ABCC9: variants seen among roughly 807,000 people sequenced by gnomAD.
ABCC9 encodes the protein ATP binding cassette subfamily C member 9.
A neutral mutation model predicts 188.3 loss-of-function variants in ABCC9; 95 were observed. That is an observed-to-expected ratio of 0.50 (90% confidence interval 0.43 to 0.60). ABCC9 has a LOEUF of 0.60. Ranked by LOEUF, ABCC9 falls within the 20% of genes least tolerant of loss-of-function variation. ABCC9 has a pLI of 0.00. For synonymous variants in ABCC9, 659 were observed against 652.7 expected, an observed-to-expected ratio of 1.01 and a Z score of -0.15; for missense variants, 1,102 against 1,876.3, an observed-to-expected ratio of 0.59 and a Z score of 7.62.
At chr12:21,867,494 T>C (rs781208447) in intron 18 of ABCC9, among the ~76,000 whole-genome samples, 7 of 152,212 alleles carry the variant, frequency 4.6e-5, no homozygotes, top group Non-Finnish European at 1.0e-4. Context: ...CGACACAGTG[T>C]ATTAGCAACT....
intron 29 of ABCC9, among the ~76,000 whole-genome samples, chr12:21,841,641 G>T (rs1944402635): frequency 6.6e-6 from 1 of 152,038 alleles, no homozygotes. Context: ...ACAGGCATGG[G>T]CCACCACGCC....
At position 21,926,072 on chromosome 12, in the gene ABCC9, A is replaced by G; in HGVS notation, c.285-9T>C. ...GCCTTGATTCCCGCCGCCTAGAAAG[A>G]GCAGTACGTCAACGCCTAAAGCTGA... On this transcript the variant is annotated splice_polypyrimidine_tract_variant and intron_variant, in intron 4 of 39. Coordinates refer to ENST00000261200, the MANE Select transcript of ABCC9 (RefSeq NM_020297.4). The G allele has an allele frequency of 6.2e-7, 1 of 1,614,034 alleles. No homozygotes were observed. Among genetic ancestry groups the G allele is most frequent in the South Asian group, 1.1e-5 (1 of 91,080 alleles).
Position 21,922,318 on chromosome 12 carries a change from T to C in ABCC9, c.406+3624A>G, listed in dbSNP as rs78710709. 1.7e-3 allele frequency among the ~76,000 whole-genome samples: 261 copies of C among 152,120 alleles called. 1 individual carries two copies. The highest frequency in any genetic ancestry group is 2.7e-3 in the East Asian group (14 of 5,182). On this transcript the variant is annotated intron_variant, in intron 5 of 39. Coordinates refer to ENST00000261200, the MANE Select transcript of ABCC9 (RefSeq NM_020297.4). ...ATTCCTAGGTATTTTATAATATTTA[T>C]TGATTTGCAAATAATATTTATTGAT...
chr12:21,805,853 A>T (rs1362988389), intron 39 of ABCC9, 145 bp downstream of exon 39: 2 of 802,268 alleles, frequency 2.5e-6, no homozygotes, highest in Non-Finnish European at 4.1e-6. Context: ...ACATCTTCGT[A>T]TTTTTTTTCT....
chr12:21,837,720 T>C (rs932233022), intron 30 of ABCC9, among the ~76,000 whole-genome samples: 2 of 152,210 alleles, frequency 1.3e-5, no homozygotes, highest in Admixed American at 1.3e-4. Flanking sequence ...ATAGTCAGTG[T>C]GGTTAATACT....
At chr12:21,841,543 A>C (rs1424057745) in intron 29 of ABCC9, among the ~76,000 whole-genome samples, 1 of 150,594 alleles carries the variant, frequency 6.6e-6, no homozygotes, top group Non-Finnish European at 1.5e-5. Context: ...ATTTTTAGTA[A>C]AGACGGGGTT....
intron 3 of ABCC9, 83 bp from the exon 4 acceptor site, chr12:21,934,006 C>A (rs1395467414): frequency 6.0e-6 from 9 of 1,501,674 alleles, no homozygotes; most frequent in Non-Finnish European, 8.3e-6. Flanking sequence ...TTATGATAAG[C>A]TTTAAGGCAG....
intron 17 of ABCC9, among the ~76,000 whole-genome samples, chr12:21,874,089 T>G (rs1946214279): frequency 6.6e-6 from 1 of 151,884 alleles, no homozygotes; most frequent in Non-Finnish European, 1.5e-5. Flanking sequence ...GAGAAAATAT[T>G]TGCAAACTAT....
intron 22 of ABCC9, among the ~76,000 whole-genome samples, chr12:21,856,395 T>C (rs1169845100): frequency 1.3e-5 from 2 of 152,170 alleles, no homozygotes; most frequent in Non-Finnish European, 2.9e-5. Flanking sequence ...TATTCTCTTA[T>C]ATATTCAATA....
At chr12:21,915,615 C>T in intron 7 of ABCC9, 53 bp downstream of exon 7, 6 of 1,594,274 alleles carry the variant, frequency 3.8e-6, no homozygotes, top group South Asian at 1.1e-5. Flanking sequence ...CAGGTTCATG[C>T]CAACAGGACC....
intron 20 of ABCC9, among the ~76,000 whole-genome samples, chr12:21,861,512 G>A (rs1019504425): frequency 1.8e-4 from 27 of 152,102 alleles, no homozygotes; most frequent in African/African-American, 6.0e-4. Flanking sequence ...GATTACAGGC[G>A]TGAACCACTA....
At chr12:21,823,469 C>T (rs1397245461) in intron 31 of ABCC9, among the ~76,000 whole-genome samples, 1 of 152,106 alleles carries the variant, frequency 6.6e-6, no homozygotes, top group Non-Finnish European at 1.5e-5. Context: ...TCACTGCATC[C>T]CTGTCTGTCG....
rs938092067 is a variant in ABCC9 at position 21,807,220 on chromosome 12, A to G, written c.4449+126T>C. 3 of 1,289,278 alleles carry G rather than the reference A, an allele frequency of 2.3e-6. No homozygotes were observed. The South Asian group carries it at 3.6e-5, about 16-fold the overall frequency. The allele number at this position is 1,289,278 out of a possible 1,614,324, so 79.9% of individuals were successfully genotyped here. A position where few individuals can be genotyped will look rare whatever the true frequency, so the allele number is the denominator to read the frequency against. On this transcript the variant is annotated intron_variant, in intron 38 of 39. Coordinates refer to ENST00000261200, the MANE Select transcript of ABCC9 (RefSeq NM_020297.4). ...GTGCTATCATCAGTTCATCCAGTAG[A>G]TGATTGAGCAGATTCTCAAAACAAT...
chr12:21,876,255 C>T (rs1946339951), intron 16 of ABCC9, among the ~76,000 whole-genome samples: 1 of 152,046 alleles, frequency 6.6e-6, no homozygotes, highest in Admixed American at 6.5e-5. Context: ...TTTGGGATTA[C>T]CAGATAGTTT....
intron 5 of ABCC9, chr12:21,923,795 C>T (rs1316336545): frequency 1.4e-6 from 1 of 698,276 alleles, no homozygotes; most frequent in African/African-American, 1.8e-5. Flanking sequence ...GAAATAAATG[C>T]ATATAGCCAC....
chr12:21,841,396 T>C (rs1166190545), intron 29 of ABCC9, among the ~76,000 whole-genome samples: 8 of 131,128 alleles, frequency 6.1e-5, no homozygotes, highest in African/African-American at 2.4e-4. Context: ...TCTCACTCTG[T>C]CACCCAGGCT....
At chr12:21,868,838 T>A (rs1945917813) in intron 18 of ABCC9, among the ~76,000 whole-genome samples, 1 of 152,186 alleles carries the variant, frequency 6.6e-6, no homozygotes, top group Non-Finnish European at 1.5e-5. Context: ...ATCAATAATT[T>A]CTAAATTAGC....
At chr12:21,891,835 C>T (rs1399771747) in intron 14 of ABCC9, among the ~76,000 whole-genome samples, 1 of 152,190 alleles carries the variant, frequency 6.6e-6, no homozygotes, top group Non-Finnish European at 1.5e-5. Context: ...GGCTGCTCAA[C>T]TCACTGTGGG....
chr12:21,827,496 T>G (rs1463022830), intron 31 of ABCC9: 1 of 158,058 alleles, frequency 6.3e-6, no homozygotes, highest in Non-Finnish European at 1.3e-5. Context: ...GTAATTATAT[T>G]ATTCATATAT....
Sources: allele counts gnomAD v4.1 joint callset (sites outside exome capture counted in the v4.1 genomes callset), GRCh38; gene constraint gnomAD v4.1.1; transcripts MANE v1.5; gene names NCBI Gene and HGNC (gene_info 2026-07-23, HGNC 2026-07-21).